Variants in SNAP29 observed in about 807,000 individuals in gnomAD.
SNAP29 encodes the protein synaptosomal-associated protein 29.
Under a neutral mutation model 27.9 loss-of-function variants are expected in SNAP29, and 13 were observed. The ratio of observed to expected loss-of-function variants is 0.47; its 90% CI spans 0.30 to 0.74. The LOEUF (loss-of-function observed/expected upper bound fraction) is 0.74. SNAP29 is among the 30% of genes least tolerant of loss of function. The probability of loss-of-function intolerance (pLI) is 0.06; values close to 1 mark genes in which losing one functional copy is unlikely to be tolerated. For missense variants in SNAP29, 368 were observed against 336.5 expected (o/e 1.09, Z -0.73); for synonymous variants, 119 against 127.1 (o/e 0.94, Z 0.43).
At chr22:20,864,072 G>A (rs756123022) in intron 1 of SNAP29, among the ~76,000 whole-genome samples, 11 of 152,120 alleles carry the variant, frequency 7.2e-5, no homozygotes, top group Non-Finnish European at 4.4e-5. Flanking sequence ...ACTTGGACAT[G>A]GTTTTTGTAC....
intron 1 of SNAP29, among the ~76,000 whole-genome samples, chr22:20,868,761 A>G (rs1255366999): frequency 6.6e-6 from 1 of 152,218 alleles, no homozygotes; most frequent in Non-Finnish European, 1.5e-5. Flanking sequence ...GGCAGCTCAC[A>G]GATGGGCCGC....
At chr22:20,874,416 T>G (rs1928689037) in intron 2 of SNAP29, among the ~76,000 whole-genome samples, 1 of 147,308 alleles carries the variant, frequency 6.8e-6, no homozygotes, top group Non-Finnish European at 1.5e-5. Flanking sequence ...CCGGACATGG[T>G]GGTACGTGCT....
Position 20,866,513 on chromosome 22 carries a change from C to T in SNAP29, c.238-3824C>T, listed in dbSNP as rs546263603. ...AGTATGAGAAACACAGTATTGATGC[C>T]CTTCCGTCAGGAACCTGGGGAGGTC... On this transcript the variant is annotated intron_variant, in intron 1 of 4. Transcript: ENST00000215730. 2.6e-5 allele frequency among the ~76,000 whole-genome samples: 4 copies of T among 152,240 alleles called. No homozygotes were observed. In the South Asian group the frequency reaches 6.2e-4, roughly 24 times the overall value.
intron 1 of SNAP29, among the ~76,000 whole-genome samples, chr22:20,860,215 C>T (rs1928235821): frequency 6.7e-6 from 1 of 150,186 alleles, no homozygotes; most frequent in African/African-American, 2.5e-5. Flanking sequence ...AAAAACTAGC[C>T]GGGTGTGGCG....
At chr22:20,887,093 C>T (rs1384936809) in intron 4 of SNAP29, among the ~76,000 whole-genome samples, 6 of 151,734 alleles carry the variant, frequency 4.0e-5, no homozygotes, top group African/African-American at 1.5e-4. Context: ...GGTGTGGTGG[C>T]GTGTGCCTGT....
At position 20,890,236 on chromosome 22, in the gene SNAP29, C is replaced by T. The variant is rs1165988051; in HGVS notation, c.*2400C>T. 1 of 398,310 alleles carries T rather than the reference C, an allele frequency of 2.5e-6. No individual in the cohort carries two copies. The highest frequency in any genetic ancestry group is 4.4e-6 in the Non-Finnish European group (1 of 226,038). The allele number at this position is 398,310 out of a possible 1,614,324, so 24.7% of individuals were successfully genotyped here. A position where few individuals can be genotyped will look rare whatever the true frequency, so the allele number is the denominator to read the frequency against. On this transcript the variant is annotated 3_prime_UTR_variant, in exon 5 of 5. Coordinates refer to ENST00000215730, the MANE Select transcript of SNAP29 (RefSeq NM_004782.4). ...GAATGAAGGAAGACGTAACATGGCT[C>T]CAGAAACTTTTCACATGATGATTGG...
rs1027957112 is a variant in SNAP29 at position 20,890,225 on chromosome 22, G to A, written c.*2389G>A. 10 of 398,354 alleles carry A rather than the reference G, an allele frequency of 2.5e-5. No individual in the cohort carries two copies. The highest frequency in any genetic ancestry group is 1.3e-4 in the South Asian group (1 of 7,868). The allele number at this position is 398,354 out of a possible 1,614,324, so 24.7% of individuals were successfully genotyped here. A position where few individuals can be genotyped will look rare whatever the true frequency, so the allele number is the denominator to read the frequency against. On this transcript the variant is annotated 3_prime_UTR_variant, in exon 5 of 5. Coordinates refer to ENST00000215730, the MANE Select transcript of SNAP29 (RefSeq NM_004782.4). ...ATTTTCACAGAGAATGAAGGAAGAC[G>A]TAACATGGCTCCAGAAACTTTTCAC... is the stretch of plus-strand genomic sequence containing the variant.
rs569639974 is a variant in SNAP29, at chr22:20,874,944, G to A, written c.434+4411G>A. Among the ~76,000 whole-genome samples, 11 of 152,206 alleles carry A rather than the reference G, an allele frequency of 7.2e-5. No homozygotes were observed. In the East Asian group the frequency reaches 2.1e-3, roughly 29 times the overall value. On this transcript the variant is annotated intron_variant, in intron 2 of 4. Coordinates refer to ENST00000215730, the MANE Select transcript of SNAP29 (RefSeq NM_004782.4). Reference sequence around the variant, plus strand: ...TCAGGAGCAGAGTGAGCCCTTGGAGGAGTGGGAAGCTGGCAAGTTTGTGAC... The same window carrying A: ...TCAGGAGCAGAGTGAGCCCTTGGAGAAGTGGGAAGCTGGCAAGTTTGTGAC...
intron 1 of SNAP29, among the ~76,000 whole-genome samples, chr22:20,866,911 G>T (rs1289778660): frequency 6.6e-6 from 1 of 152,176 alleles, no homozygotes; most frequent in Non-Finnish European, 1.5e-5. Context: ...GTGACTCTGT[G>T]TGTGTATGTG....
At chr22:20,880,588 G>A (rs559809677) in intron 2 of SNAP29, among the ~76,000 whole-genome samples, 11 of 152,082 alleles carry the variant, frequency 7.2e-5, no homozygotes, top group Non-Finnish European at 1.6e-4. Context: ...TTTGCTGACT[G>A]TAGTCTAAAG....
intron 4 of SNAP29, among the ~76,000 whole-genome samples, chr22:20,887,123 G>T (rs1221289323): frequency 6.6e-6 from 1 of 151,690 alleles, no homozygotes; most frequent in Non-Finnish European, 1.5e-5. Context: ...TACTCAGGAG[G>T]CTGAGGCAGA....
chr22:20,868,277 T>A (rs1006022499), intron 1 of SNAP29, among the ~76,000 whole-genome samples: 1 of 152,090 alleles, frequency 6.6e-6, no homozygotes, highest in Non-Finnish European at 1.5e-5. Flanking sequence ...ATCTTTTTTT[T>A]ACTTAAAAAA....
chr22:20,867,467 C>G (rs1206139534), intron 1 of SNAP29, among the ~76,000 whole-genome samples: 3 of 152,148 alleles, frequency 2.0e-5, no homozygotes, highest in Admixed American at 6.5e-5. Context: ...GGTGTTTGCT[C>G]TGTCAAACCC....
chr22:20,870,408 G>A lies in SNAP29; in HGVS notation c.309G>A (p.Lys103=), dbSNP rs919701726. 1 of 1,614,192 alleles carries A rather than the reference G, an allele frequency of 6.2e-7. No homozygotes were observed. Among genetic ancestry groups the A allele is most frequent in the African/African-American group, 1.3e-5 (1 of 75,040 alleles). Residue 103 remains lysine (K), a synonymous_variant, in exon 2 of 5, where the codon AAG becomes AAA. Transcript: ENST00000215730. ...TGGACAAGATGGACCAAGATTTGAA[G>A]ATCAGCCAGAAACACATCAATAGCA... ...KMVDKMDQDL[K]ISQKHINSIK... is the part of the protein sequence containing the mutation.
intron 1 of SNAP29, among the ~76,000 whole-genome samples, chr22:20,865,264 A>G (rs532814319): frequency 6.6e-6 from 1 of 152,026 alleles, no homozygotes. Flanking sequence ...CTGAGGTAGG[A>G]GGATCTCTTG....
At chr22:20,871,784 A>G (rs1204220399) in intron 2 of SNAP29, among the ~76,000 whole-genome samples, 1 of 152,070 alleles carries the variant, frequency 6.6e-6, no homozygotes, top group Non-Finnish European at 1.5e-5. Flanking sequence ...CGGGAGGCTG[A>G]GGCAGGAGAA....
intron 2 of SNAP29, among the ~76,000 whole-genome samples, chr22:20,878,961 AC>A (rs1409944474): frequency 6.6e-6 from 1 of 152,204 alleles, no homozygotes; most frequent in African/African-American, 2.4e-5. Flanking sequence ...ATAGGGACTT[AC>A]GTGATGAGAA....
intron 3 of SNAP29, 133 bp downstream of exon 3, chr22:20,881,267 A>G (rs757777822): frequency 2.5e-5 from 18 of 711,708 alleles, no homozygotes; most frequent in Non-Finnish European, 3.9e-5. Context: ...GGCATCACCC[A>G]TGCTAGCCAA....
intron 2 of SNAP29, among the ~76,000 whole-genome samples, chr22:20,872,112 C>A (rs1015382989): frequency 2.6e-5 from 4 of 152,082 alleles, no homozygotes; most frequent in African/African-American, 4.8e-5. Context: ...ATAGTTGTAA[C>A]CATAGTATTC....
Sources: gnomAD v4.1 joint callset for allele counts (sites outside exome capture counted in the v4.1 genomes callset) on GRCh38, gnomAD v4.1.1 for gene constraint, MANE v1.5 for transcripts, NCBI Gene and HGNC (gene_info 2026-07-23, HGNC 2026-07-21) for gene names.